Variants in TMEM229B observed in about 807,000 individuals in gnomAD.
The protein encoded by TMEM229B is chromosome 14 open reading frame 83.
A neutral mutation model predicts 13.7 loss-of-function variants in TMEM229B; 6 were observed. The observed-to-expected ratio is 0.44, with a 90% CI of 0.24 to 0.86. The LOEUF is 0.86. TMEM229B is among the 40% of genes least tolerant of loss of function. The pLI, the probability that TMEM229B is intolerant of heterozygous loss-of-function variation, is 0.23. For missense variants in TMEM229B, 170 were observed against 236.0 expected, an observed-to-expected ratio of 0.72 and a Z score of 1.83; for synonymous variants, 107 against 102.1, an observed-to-expected ratio of 1.05 and a Z score of -0.29.
intron 1 of TMEM229B, among the ~76,000 whole-genome samples, chr14:67,525,228 A>G (rs1032214235): frequency 2.6e-5 from 4 of 152,226 alleles, no homozygotes; most frequent in African/African-American, 4.8e-5. Flanking sequence ...ATTTATATAC[A>G]TAAATATACA....
At chr14:67,492,659 A>G (rs537999719), upstream of TMEM229B, among the ~76,000 whole-genome samples, 8 of 152,362 alleles carry the variant, frequency 5.3e-5, no homozygotes, top group African/African-American at 1.9e-4. Context: ...GACCGCTCTT[A>G]TGGTGTGACA....
At chr14:67,496,264 T>C (rs1444486916) in intron 1 of TMEM229B, among the ~76,000 whole-genome samples, 1 of 152,130 alleles carries the variant, frequency 6.6e-6, no homozygotes, top group Non-Finnish European at 1.5e-5. Flanking sequence ...GGCTAATTTT[T>C]GTATTTTTGG....
upstream of TMEM229B, among the ~76,000 whole-genome samples, chr14:67,517,767 A>G (rs1341120776): frequency 6.6e-6 from 1 of 152,170 alleles, no homozygotes. Context: ...AGCTATTTTT[A>G]TCTCCACTTT....
chr14:67,505,830 C>T (rs1026107833), intron 1 of TMEM229B, among the ~76,000 whole-genome samples: 2 of 151,856 alleles, frequency 1.3e-5, no homozygotes, highest in South Asian at 4.2e-4. Flanking sequence ...CATCAGCCTC[C>T]CTGGGATTAC....
chr14:67,497,701 G>A (rs2032447713), intron 1 of TMEM229B, among the ~76,000 whole-genome samples: 1 of 152,172 alleles, frequency 6.6e-6, no homozygotes, highest in Admixed American at 6.5e-5. Flanking sequence ...GCAAAATGGA[G>A]GGGATACTGT....
rs577853341 is a variant in TMEM229B, at chr14:67,508,933, A to C, written c.-192+6153T>G. ...TCAGTGTAGCTGGGACCCCAGAGTCATAATCAGGTCTCCACAGCTGAATTA... is the reference window on the plus strand; with the variant it reads ...TCAGTGTAGCTGGGACCCCAGAGTCCTAATCAGGTCTCCACAGCTGAATTA... On this transcript the variant is annotated intron_variant, in intron 1 of 2. Transcript: ENST00000357461. Among the ~76,000 whole-genome samples, 10 of 152,092 alleles carry C rather than the reference A, an allele frequency of 6.6e-5. No homozygotes were observed. In the East Asian group the frequency reaches 1.9e-3, roughly 30 times the overall value.
chr14:67,513,847 T>C (rs1272661986), intron 1 of TMEM229B, among the ~76,000 whole-genome samples: 3 of 152,164 alleles, frequency 2.0e-5, no homozygotes, highest in African/African-American at 7.2e-5. Flanking sequence ...TGGTCACATG[T>C]AAGCCAGCTC....
Position 67,473,950 on chromosome 14 carries a change from G to A in TMEM229B, c.-18-9C>T. 1 of 1,577,272 alleles carries A rather than the reference G, an allele frequency of 6.3e-7. No individual in the cohort carries two copies. The highest frequency in any genetic ancestry group is 8.6e-7 in the Non-Finnish European group (1 of 1,162,628). Reference sequence around the variant, plus strand: ...GCGCCGACTGGGGCTGGCTGCGGGGGGCGCAAGAGAGACAGGTGAGGGCCG... The same window carrying A: ...GCGCCGACTGGGGCTGGCTGCGGGGAGCGCAAGAGAGACAGGTGAGGGCCG... On this transcript the variant is annotated splice_polypyrimidine_tract_variant and intron_variant, in intron 2 of 2. Coordinates refer to ENST00000554480, the MANE Select transcript of TMEM229B (RefSeq NM_001348543.2). This position sits in a 1 kb window ranked among gnomAD's most constrained non-coding sequence, Gnocchi z 6.5.
chr14:67,515,844 C>T (rs2033189813), upstream of TMEM229B, among the ~76,000 whole-genome samples: 2 of 152,078 alleles, frequency 1.3e-5, no homozygotes, highest in African/African-American at 4.8e-5. Context: ...GACCTGCGGT[C>T]AGTTCATGGA....
intron 2 of TMEM229B, among the ~76,000 whole-genome samples, chr14:67,485,597 T>C (rs1379896098): frequency 6.6e-6 from 1 of 152,206 alleles, no homozygotes; most frequent in Non-Finnish European, 1.5e-5. Flanking sequence ...CCATGCCTTC[T>C]GGGGAGCTTC....
At chr14:67,521,428 G>A (rs2033289307) in intron 1 of TMEM229B, among the ~76,000 whole-genome samples, 1 of 152,232 alleles carries the variant, frequency 6.6e-6, no homozygotes, top group South Asian at 2.1e-4. Flanking sequence ...ATCAAGTCCT[G>A]TGGGTTTATC....
At chr14:67,522,667 C>T (rs2033308761) in intron 1 of TMEM229B, among the ~76,000 whole-genome samples, 1 of 152,128 alleles carries the variant, frequency 6.6e-6, no homozygotes, top group Admixed American at 6.5e-5. Flanking sequence ...CAGCTAGGTC[C>T]TGGGTTGGGG....
At chr14:67,526,061 C>T (rs1224381086) in intron 1 of TMEM229B, among the ~76,000 whole-genome samples, 1 of 152,228 alleles carries the variant, frequency 6.6e-6, no homozygotes, top group African/African-American at 2.4e-5. Flanking sequence ...TGTCTGTCAG[C>T]TCTACCTGAT....
At chr14:67,480,397 C>T (rs773202874) in intron 2 of TMEM229B, among the ~76,000 whole-genome samples, 3 of 152,178 alleles carry the variant, frequency 2.0e-5, no homozygotes, top group African/African-American at 7.2e-5. Flanking sequence ...AGGTGAGCCT[C>T]CAGCTTCCCT....
At chr14:67,489,767 G>T (rs549179484), upstream of TMEM229B, among the ~76,000 whole-genome samples, 5 of 152,326 alleles carry the variant, frequency 3.3e-5, no homozygotes, top group South Asian at 1.0e-3. Flanking sequence ...GAGGCGGGCG[G>T]ATCACGAGGT....
At chr14:67,532,423 C>T (rs1218993579) in intron 1 of TMEM229B, among the ~76,000 whole-genome samples, 1 of 152,164 alleles carries the variant, frequency 6.6e-6, no homozygotes, top group African/African-American at 2.4e-5. Flanking sequence ...CTTCTTTACT[C>T]CAGGCTCACC....
At chr14:67,474,279 A>G (rs1289732613) in intron 2 of TMEM229B, among the ~76,000 whole-genome samples, 1 of 147,672 alleles carries the variant, frequency 6.8e-6, no homozygotes, top group Admixed American at 6.8e-5. Flanking sequence ...AAAAAAACAG[A>G]GCAAAGAACA....
intron 1 of TMEM229B, among the ~76,000 whole-genome samples, chr14:67,508,752 T>TAAAAAAAAAAAAAAA (rs2032918967): frequency 5.3e-5 from 1 of 18,866 alleles, no homozygotes; most frequent in Non-Finnish European, 1.7e-4. Context: ...AAACCTTGTC[T>TAAAAAAAAAAAAAAA]CAAAAAAAAA....
Position 67,471,860 on chromosome 14 carries a change from G to A in TMEM229B, c.*1560C>T, listed in dbSNP as rs2140023859. Reference sequence around the variant, plus strand: ...TCACTTTGTAATGATCCATAAAAAGGGGAAGGCTAATTTCTACCTAAGAGT... The same window carrying A: ...TCACTTTGTAATGATCCATAAAAAGAGGAAGGCTAATTTCTACCTAAGAGT... On this transcript the variant is annotated 3_prime_UTR_variant, in exon 3 of 3. Transcript: ENST00000554480. The A allele has an allele frequency of 6.6e-6, 1 of 152,382 alleles. No homozygotes were observed. 9.4% of individuals were successfully genotyped at this position (152,382 alleles called of 1,614,324 possible).
Sources: allele counts gnomAD v4.1 joint callset (sites outside exome capture counted in the v4.1 genomes callset), GRCh38; gene constraint gnomAD v4.1.1; non-coding constraint Gnocchi (gnomAD v3.1); transcripts MANE v1.5; gene names NCBI Gene and HGNC (gene_info 2026-07-23, HGNC 2026-07-21).